Variants in TENM1 observed in about 807,000 individuals in gnomAD.
TENM1 encodes teneurin-1.
TENM1 carries 35 observed loss-of-function variants against 174.8 expected under a neutral mutation model. The observed-to-expected ratio is 0.20, with a 90% confidence interval of 0.15 to 0.27. The LOEUF is 0.27. Among genes scored for constraint, TENM1 ranks in the 10% least tolerant of loss-of-function variants. TENM1 has a pLI of 1.00. For synonymous variants in TENM1, 781 were observed against 798.7 expected (o/e 0.98, Z 0.37); for missense variants, 1,633 against 2,130.1 (o/e 0.77, Z 4.59).
chrX:125,179,754 A>G, the TENM1 span, among the ~76,000 whole-genome samples: 1 of 110,315 alleles, frequency 9.1e-6, no homozygotes, highest in African/African-American at 3.3e-5. Flanking sequence ...ACCAACTGAA[A>G]CAGAAACTCA....
At chrX:125,154,726 T>G in the TENM1 span, among the ~76,000 whole-genome samples, 2 of 110,411 alleles carry the variant, frequency 1.8e-5, no homozygotes, top group Non-Finnish European at 3.8e-5. Flanking sequence ...TTCGGATGTG[T>G]TCGGAGTTTC....
rs190574723 is a variant in TENM1 at position 124,653,905 on chromosome X, C to G, written c.1169-122G>C. 5.8e-4 allele frequency: 346 copies of G among 593,328 alleles called. 5 individuals are homozygous for G. The East Asian group carries it at 0.011, about 19-fold the overall frequency. The allele number at this position is 593,328 out of a possible 1,213,427, so 48.9% of individuals were successfully genotyped here. ...TACTCAGCTTTTTCTTCCTCCCCAC[C>G]CCATCTGTCTTTCAAGGCCTTGCCC... On this transcript the variant is annotated intron_variant, in intron 6 of 31. Coordinates refer to ENST00000422452, the Ensembl canonical transcript of TENM1.
the TENM1 span, among the ~76,000 whole-genome samples, chrX:125,027,707 G>A: frequency 3.8e-5 from 4 of 104,409 alleles, no homozygotes; most frequent in African/African-American, 1.4e-4. Context: ...TCCGCTTCCC[G>A]GGTTCAAGTG....
At chrX:124,485,082 G>T (rs1252608684) in intron 21 of TENM1, among the ~76,000 whole-genome samples, 5 of 111,456 alleles carry the variant, frequency 4.5e-5, no homozygotes, top group African/African-American at 6.5e-5. Flanking sequence ...TTAAGGACTG[G>T]AATGTTATTA....
chrX:125,126,973 G>A, the TENM1 span, among the ~76,000 whole-genome samples: 3 of 111,182 alleles, frequency 2.7e-5, no homozygotes, highest in African/African-American at 6.5e-5. Context: ...GGCCTGATCC[G>A]TATTATTATT....
At chrX:125,193,220 C>A in the TENM1 span, among the ~76,000 whole-genome samples, 1 of 111,888 alleles carries the variant, frequency 8.9e-6, no homozygotes, top group Non-Finnish European at 1.9e-5. Flanking sequence ...TTACTCTATA[C>A]AGTCAACTTT....
At chrX:124,864,185 A>G (rs2056963465) in intron 3 of TENM1, among the ~76,000 whole-genome samples, 1 of 112,138 alleles carries the variant, frequency 8.9e-6, no homozygotes, top group Non-Finnish European at 1.9e-5. Flanking sequence ...CAATGCCCAG[A>G]CAACGAAGAA....
At chrX:125,080,515 T>C in the TENM1 span, among the ~76,000 whole-genome samples, 1 of 111,790 alleles carries the variant, frequency 8.9e-6, no homozygotes, top group Admixed American at 9.5e-5. Flanking sequence ...GTGCTTTGCA[T>C]ACTTTTGCTC....
At chrX:124,758,405 T>C (rs760391447) in intron 3 of TENM1, among the ~76,000 whole-genome samples, 13 of 111,043 alleles carry the variant, frequency 1.2e-4, no homozygotes, top group Non-Finnish European at 1.9e-4. Flanking sequence ...GGTGAGGATG[T>C]GGAGAAATTG....
At chrX:124,583,001 A>C (rs1029795384) in intron 11 of TENM1, among the ~76,000 whole-genome samples, 1 of 112,653 alleles carries the variant, frequency 8.9e-6, no homozygotes, top group Non-Finnish European at 1.9e-5. Flanking sequence ...GCCATTGCCC[A>C]GGCTTGCTTA....
At chrX:125,172,267 A>T in the TENM1 span, among the ~76,000 whole-genome samples, 1 of 110,819 alleles carries the variant, frequency 9.0e-6, no homozygotes, top group Non-Finnish European at 1.9e-5. Flanking sequence ...AAGACTTTAC[A>T]ACATCTCAAA....
exon 11 of TENM1, chrX:124,641,922 C>A: frequency 1.7e-6 from 2 of 1,211,174 alleles, no homozygotes; most frequent in Non-Finnish European, 2.2e-6. Flanking sequence ...TCCTCCCCAG[C>A]CAGTAGAACA....
At chrX:124,665,361 C>T (rs769213205) in intron 6 of TENM1, among the ~76,000 whole-genome samples, 4 of 111,458 alleles carry the variant, frequency 3.6e-5, no homozygotes, top group South Asian at 7.5e-4. Context: ...GAAAAGGTAA[C>T]GATAGCTGCC....
intron 11 of TENM1, among the ~76,000 whole-genome samples, chrX:124,608,396 T>C: frequency 9.0e-6 from 1 of 111,531 alleles, no homozygotes; most frequent in Middle Eastern, 4.6e-3. Flanking sequence ...TGCTATTTGC[T>C]TACTCAGAGT....
At chrX:124,827,397 T>C (rs1035053944) in intron 3 of TENM1, among the ~76,000 whole-genome samples, 2 of 112,138 alleles carry the variant, frequency 1.8e-5, no homozygotes, top group African/African-American at 3.2e-5. Context: ...TTCACTTTTC[T>C]AGCTGAGACA....
chrX:124,592,109 C>CA (rs1463504875), intron 11 of TENM1, among the ~76,000 whole-genome samples: 1 of 112,053 alleles, frequency 8.9e-6, no homozygotes, highest in African/African-American at 3.2e-5. Context: ...TTCTGTTTAG[C>CA]ATATTAATCT....
intron 5 of TENM1, among the ~76,000 whole-genome samples, chrX:124,694,751 G>T (rs1444257882): frequency 8.9e-6 from 1 of 111,776 alleles, no homozygotes; most frequent in East Asian, 2.8e-4. Context: ...GCATCTATGA[G>T]AGAGTCATCC....
chrX:124,402,351 C>T (rs901700464), intron 27 of TENM1, among the ~76,000 whole-genome samples: 1 of 112,030 alleles, frequency 8.9e-6, no homozygotes, highest in African/African-American at 3.2e-5. Flanking sequence ...CAGGGAGTAG[C>T]CTAGAAGTGA....
intron 3 of TENM1, among the ~76,000 whole-genome samples, chrX:124,740,174 G>T (rs2053767013): frequency 1.8e-5 from 2 of 111,632 alleles, no homozygotes; most frequent in African/African-American, 6.5e-5. Flanking sequence ...AAGGTTAGAA[G>T]AAAAAGAGGA....
Sources: allele counts gnomAD v4.1 joint callset (sites outside exome capture counted in the v4.1 genomes callset), GRCh38; gene constraint gnomAD v4.1.1; transcripts MANE v1.5; gene names NCBI Gene and HGNC (gene_info 2026-07-23, HGNC 2026-07-21).